The following CNTLN variants were observed in gnomAD, a reference collection of about 807,000 sequenced individuals.
The protein encoded by CNTLN is centlein.
Under a neutral mutation model 180.0 loss-of-function variants are expected in CNTLN, and 212 were observed. The observed-to-expected ratio is 1.18, with a 90% confidence interval of 1.05 to 1.32. The LOEUF is 1.32. Among genes scored for constraint, CNTLN ranks in the 40% most tolerant of loss-of-function variants. CNTLN has a pLI of 0.00. For missense variants in CNTLN, 2,095 were observed against 1,610.9 expected (o/e 1.30, Z -5.14); for synonymous variants, 722 against 563.1 (o/e 1.28, Z -3.99).
chr9:17,255,662 T>A (rs1587356496), intron 5 of CNTLN, among the ~76,000 whole-genome samples: 1 of 151,952 alleles, frequency 6.6e-6, no homozygotes, highest in East Asian at 1.9e-4. Flanking sequence ...GGTATCAGGA[T>A]GATGCTCTCC....
chr9:17,378,505 T>A (rs1338041439), intron 13 of CNTLN, among the ~76,000 whole-genome samples: 1 of 152,190 alleles, frequency 6.6e-6, no homozygotes, highest in Non-Finnish European at 1.5e-5. Context: ...TACATTTCTA[T>A]TTAATCTGTA....
chr9:17,525,763 C>T, the CNTLN span, among the ~76,000 whole-genome samples: 3 of 152,028 alleles, frequency 2.0e-5, no homozygotes, highest in Admixed American at 2.0e-4. Context: ...AGAGAAATGA[C>T]TGAATTCATT....
chr9:17,293,373 A>T (rs1817538332), intron 6 of CNTLN, among the ~76,000 whole-genome samples: 1 of 152,182 alleles, frequency 6.6e-6, no homozygotes. Flanking sequence ...GGCAGGGGGA[A>T]AGTCTAAGTC....
chr9:17,224,156 A>G (rs188586664), intron 2 of CNTLN, among the ~76,000 whole-genome samples: 2 of 152,062 alleles, frequency 1.3e-5, no homozygotes, highest in African/African-American at 4.8e-5. Flanking sequence ...ACCCTAATTT[A>G]TTGTCCTTAT....
Position 17,295,358 on chromosome 9 carries a change from C to T in CNTLN, c.984-2832C>T, listed in dbSNP as rs570843594. ...CCAAGGTGGCGCGGAGAGCGAGCCACGACTGCGAGGGCTGCCAGCACACTG... is the reference window on the plus strand; with the variant it reads ...CCAAGGTGGCGCGGAGAGCGAGCCATGACTGCGAGGGCTGCCAGCACACTG... On this transcript the variant is annotated intron_variant, in intron 6 of 25. Transcript: ENST00000380647. Among the ~76,000 whole-genome samples, 43 of 152,302 alleles carry T rather than the reference C, an allele frequency of 2.8e-4. No homozygotes were observed. The South Asian group carries it at 6.8e-3, about 24-fold the overall frequency.
At chr9:17,387,477 A>C (rs1287204708) in intron 13 of CNTLN, among the ~76,000 whole-genome samples, 2 of 152,054 alleles carry the variant, frequency 1.3e-5, no homozygotes, top group Non-Finnish European at 2.9e-5. Context: ...AAGTTTTATG[A>C]CTTTGTTTTT....
intron 18 of CNTLN, among the ~76,000 whole-genome samples, chr9:17,431,032 G>A (rs1468013301): frequency 6.6e-6 from 1 of 151,970 alleles, no homozygotes; most frequent in Non-Finnish European, 1.5e-5. Context: ...AGGTATTTTT[G>A]ACATACTGAT....
Position 17,502,689 on chromosome 9 carries a change from T to C in CNTLN, c.*37T>C, listed in dbSNP as rs777863891. 1 of 814,064 alleles carries C rather than the reference T, an allele frequency of 1.2e-6. No individual in the cohort carries two copies. Among genetic ancestry groups the C allele is most frequent in the African/African-American group, 1.8e-5 (1 of 55,104 alleles). 50.4% of individuals were successfully genotyped at this position (814,064 alleles called of 1,614,324 possible). ...AGAGCTTTATTGCAAATGTGAAAAC[T>C]TTTTATGTGGTGTGATTGGAATACA... On this transcript the variant is annotated 3_prime_UTR_variant, in exon 26 of 26. Coordinates refer to ENST00000380647, the MANE Select transcript of CNTLN (RefSeq NM_017738.4).
At chr9:17,150,202 GTT>G (rs1184990708) in intron 2 of CNTLN, among the ~76,000 whole-genome samples, 1 of 152,190 alleles carries the variant, frequency 6.6e-6, no homozygotes, top group East Asian at 1.9e-4. Context: ...TGCTTTTGGT[GTT>G]TTGGACATGA....
At chr9:17,295,156 A>G (rs1817782746) in intron 6 of CNTLN, among the ~76,000 whole-genome samples, 1 of 151,660 alleles carries the variant, frequency 6.6e-6, no homozygotes, top group African/African-American at 2.4e-5. Flanking sequence ...CCCACCCGGA[A>G]CTCTAGCTGG....
At chr9:17,453,002 G>T (rs896654540) in intron 18 of CNTLN, among the ~76,000 whole-genome samples, 10 of 151,854 alleles carry the variant, frequency 6.6e-5, no homozygotes, top group Admixed American at 1.3e-4. Context: ...AATTGAAAAA[G>T]AACAAAAAAA....
At chr9:17,381,227 G>A (rs1279521239) in intron 13 of CNTLN, among the ~76,000 whole-genome samples, 2 of 152,180 alleles carry the variant, frequency 1.3e-5, no homozygotes, top group Non-Finnish European at 2.9e-5. Context: ...TGCTGCCAGT[G>A]ATTTAGTGTC....
At chr9:17,438,096 A>T (rs1829885695) in intron 18 of CNTLN, among the ~76,000 whole-genome samples, 1 of 152,140 alleles carries the variant, frequency 6.6e-6, no homozygotes, top group African/African-American at 2.4e-5. Context: ...TCACCTAGGG[A>T]ACTTTGAAAA....
At chr9:17,238,490 A>G (rs1825291665) in intron 5 of CNTLN, among the ~76,000 whole-genome samples, 1 of 152,164 alleles carries the variant, frequency 6.6e-6, no homozygotes, top group Non-Finnish European at 1.5e-5. Context: ...TATGACCCTC[A>G]TTCAGAGAGG....
chr9:17,227,467 C>G (rs143736700), intron 3 of CNTLN, among the ~76,000 whole-genome samples: 3 of 151,912 alleles, frequency 2.0e-5, no homozygotes, highest in African/African-American at 7.2e-5. Context: ...TGGCTAATAT[C>G]GTTATATAAT....
chr9:17,209,123 T>C lies in CNTLN; in HGVS notation c.450-17080T>C, dbSNP rs1823114631. ...CTGCTTTTGCTATAGGTTTGTTTTGTTGAGTTTACATTATTATTTAAGAAA... is the reference window on the plus strand; with the variant it reads ...CTGCTTTTGCTATAGGTTTGTTTTGCTGAGTTTACATTATTATTTAAGAAA... On this transcript the variant is annotated intron_variant, in intron 2 of 25. Transcript: ENST00000380647. 2.0e-5 allele frequency among the ~76,000 whole-genome samples: 3 copies of C among 152,152 alleles called. No individual in the cohort carries two copies. In the South Asian group the frequency reaches 6.2e-4, roughly 32 times the overall value.
intron 12 of CNTLN, among the ~76,000 whole-genome samples, chr9:17,355,956 C>T (rs778648216): frequency 5.3e-5 from 8 of 150,536 alleles, no homozygotes; most frequent in Non-Finnish European, 8.9e-5. Context: ...CCCAGCTACT[C>T]GGTAGGCTGA....
chr9:17,311,451 G>GTTTTT (rs112794584), intron 8 of CNTLN, among the ~76,000 whole-genome samples: 27 of 133,812 alleles, frequency 2.0e-4, no homozygotes, highest in African/African-American at 7.1e-4. Context: ...GGGTTTTTCT[G>GTTTTT]TTTTTTTTTT....
At chr9:17,409,249 A>G (rs748953794) in intron 15 of CNTLN, 44 bp from the exon 16 acceptor site, 3 of 1,569,170 alleles carry the variant, frequency 1.9e-6, no homozygotes, top group Non-Finnish European at 1.7e-6. Flanking sequence ...TACATGTAAC[A>G]ACTTTTATTC....
Sources: allele counts gnomAD v4.1 joint callset (sites outside exome capture counted in the v4.1 genomes callset), GRCh38; gene constraint gnomAD v4.1.1; transcripts MANE v1.5; gene names NCBI Gene and HGNC (gene_info 2026-07-23, HGNC 2026-07-21).